KATNAL2: variants seen among roughly 807,000 people sequenced by gnomAD.
KATNAL2 encodes the protein katanin catalytic subunit A1 like 2, also known as katanin p60 ATPase-containing subunit A-like 2.
KATNAL2 carries 52 observed loss-of-function variants against 76.3 expected under a neutral mutation model. The ratio of observed to expected loss-of-function variants is 0.68; its 90% confidence interval spans 0.55 to 0.86. KATNAL2 has a LOEUF of 0.86. KATNAL2 is among the 40% of genes least tolerant of loss of function. The pLI, the probability that KATNAL2 is intolerant of heterozygous loss-of-function variation, is 0.00. For synonymous variants in KATNAL2, 243 were observed against 244.2 expected (o/e 1.00, Z 0.05); for missense variants, 660 against 668.9 (o/e 0.99, Z 0.15).
At position 47,064,032 on chromosome 18, in the gene KATNAL2, G is replaced by A. The variant is rs530294771; in HGVS notation, c.726+671G>A. Among the ~76,000 whole-genome samples the A allele has an allele frequency of 2.0e-5, 3 of 152,224 alleles. No homozygotes were observed. In the East Asian group the frequency reaches 5.8e-4, roughly 29 times the overall value. On this transcript the variant is annotated intron_variant, in intron 10 of 17. Transcript: ENST00000683218. ...TGAAACCTAGGCAGGCTCAGAGGGG[G>A]GTTTAAAATGATCCCCAAAATTCAC... is the stretch of plus-strand genomic sequence containing the variant.
At chr18:46,962,056 G>A (rs1027109263) in intron 3 of KATNAL2, among the ~76,000 whole-genome samples, 4 of 152,188 alleles carry the variant, frequency 2.6e-5, no homozygotes, top group Non-Finnish European at 5.9e-5. Flanking sequence ...AATATAATAT[G>A]AGGAAATGCA....
rs779780143 is a variant in KATNAL2 at position 47,099,274 on chromosome 18, G to T, written c.1243G>T (p.Glu415Ter). The T allele has an allele frequency of 7.4e-6, 12 of 1,614,104 alleles. No individual in the cohort carries two copies. The East Asian group carries it at 2.2e-4, about 30-fold the overall frequency. Residue 415 changes from glutamate to a stop codon, truncating the protein, a stop_gained, in exon 16 of 18, where the codon GAG becomes TAG. Transcript: ENST00000683218. LOFTEE classifies it high-confidence loss of function. ...GGACTGTGCCATGTTACGCCGCCTG[G>T]AGAAGAGGATTCTGGTCGATCTCCC... Reference protein sequence around the residue: ...ELDCAMLRRLEKRILVDLPSR... With the variant: ...ELDCAMLRRL
chr18:47,032,947 T>G (rs575247924), intron 3 of KATNAL2: 148 of 1,612,540 alleles, frequency 9.2e-5, no homozygotes, highest in Non-Finnish European at 1.1e-4. Context: ...CAACCCGCAT[T>G]GACTTTGCCA....
intron 15 of KATNAL2, among the ~76,000 whole-genome samples, chr18:47,086,544 T>G (rs1277847208): frequency 2.6e-5 from 4 of 152,212 alleles, no homozygotes; most frequent in African/African-American, 4.8e-5. Context: ...CTTGAACTCC[T>G]CACCTCATGA....
intron 15 of KATNAL2, among the ~76,000 whole-genome samples, chr18:47,094,811 G>A (rs2063157497): frequency 6.6e-6 from 1 of 152,200 alleles, no homozygotes; most frequent in African/African-American, 2.4e-5. Context: ...TTTCAACTGA[G>A]CCTGGTGTTT....
intron 15 of KATNAL2, chr18:47,098,221 C>CAA (rs35678878): frequency 0.013 from 3,925 of 306,976 alleles, 12 homozygotes; most frequent in Non-Finnish European, 0.015. Flanking sequence ...GACTCCGTCT[C>CAA]AAAAAAAAAA....
chr18:47,069,601 G>T lies in KATNAL2; in HGVS notation c.1008+1G>T. On this transcript the variant is annotated splice_donor_variant, in intron 13 of 17. Coordinates refer to ENST00000683218, the MANE Select transcript of KATNAL2 (RefSeq NM_001387690.1). LOFTEE classifies it high-confidence loss of function. ...AGGGGATTCAGAAAAACTCGTTCGG[G>T]TAGGAATTCTTAATTTTGTTTTTAA... 6.3e-7 allele frequency: 1 copy of T among 1,593,092 alleles called. No individual in the cohort carries two copies. Among genetic ancestry groups the T allele is most frequent in the Non-Finnish European group, 8.6e-7 (1 of 1,162,694 alleles).
chr18:47,084,299 G>T (rs61316646), intron 15 of KATNAL2: 1 of 702,206 alleles, frequency 1.4e-6, no homozygotes. Context: ...TGATTGGAGG[G>T]ATAAGCAGAT....
chr18:47,098,794 C>T (rs1361615950), intron 15 of KATNAL2: 3 of 162,168 alleles, frequency 1.8e-5, no homozygotes. Flanking sequence ...AATTAATGTA[C>T]TTAGAGTGCC....
At chr18:47,076,797 T>TTA (rs35925389) in intron 14 of KATNAL2, among the ~76,000 whole-genome samples, 5,327 of 145,338 alleles carry the variant, frequency 0.037, 208 homozygotes, top group East Asian at 0.21. Flanking sequence ...AATAAATAAA[T>TTA]TATATATATA....
chr18:47,059,439 G>T, intron 7 of KATNAL2, 117 bp from the exon 8 acceptor site: 1 of 724,442 alleles, frequency 1.4e-6, no homozygotes, highest in Non-Finnish European at 2.5e-6. Flanking sequence ...ACATGTGCAT[G>T]TCGCGTTCAC....
At position 47,031,303 on chromosome 18, in the gene KATNAL2, G is replaced by A. The variant is rs556811081; in HGVS notation, c.52-15154G>A. Among the ~76,000 whole-genome samples the A allele has an allele frequency of 9.8e-4, 149 of 151,474 alleles. No homozygotes were observed. The South Asian group carries it at 0.01, about 11-fold the overall frequency. On this transcript the variant is annotated intron_variant, in intron 3 of 17. Transcript: ENST00000683218. ...GAGTTCCACTCTTACCTTTCAGTCC[G>A]AATGAGGAAAACAGATCCATTTGAA...
At chr18:47,090,810 T>C (rs1253836992) in intron 15 of KATNAL2, among the ~76,000 whole-genome samples, 1 of 152,102 alleles carries the variant, frequency 6.6e-6, no homozygotes, top group Non-Finnish European at 1.5e-5. Context: ...GCAGACCAGT[T>C]TGGCCCAAGT....
chr18:47,083,130 G>C (rs1462238268), intron 15 of KATNAL2, among the ~76,000 whole-genome samples: 3 of 152,150 alleles, frequency 2.0e-5, no homozygotes, highest in Non-Finnish European at 2.9e-5. Context: ...CTAAAGTTCT[G>C]GTTGTTTCCT....
intron 3 of KATNAL2, among the ~76,000 whole-genome samples, chr18:46,956,266 C>T (rs549919059): frequency 9.9e-5 from 15 of 152,268 alleles, no homozygotes; most frequent in African/African-American, 2.6e-4. Context: ...ATACGATAAA[C>T]GCAATTTAGT....
chr18:47,080,315 A>C (rs748073234), intron 15 of KATNAL2, among the ~76,000 whole-genome samples: 1 of 152,144 alleles, frequency 6.6e-6, no homozygotes, highest in Non-Finnish European at 1.5e-5. Context: ...AATTTTATTG[A>C]GATATAACTC....
At chr18:46,943,041 T>C (rs1539878) in intron 1 of KATNAL2, among the ~76,000 whole-genome samples, 80,463 of 151,758 alleles carry the variant, frequency 0.53, 21,601 homozygotes, top group Middle Eastern at 0.58. Flanking sequence ...AGTACTCTGA[T>C]TACTCCAACT....
At chr18:46,928,888 A>C (rs56298133) in intron 1 of KATNAL2, among the ~76,000 whole-genome samples, 11,609 of 151,766 alleles carry the variant, frequency 0.076, 474 homozygotes, top group African/African-American at 0.098. Context: ...CTCCACCTCC[A>C]GAGTTCAAGC....
chr18:47,040,718 C>T (rs2060933432), intron 3 of KATNAL2, among the ~76,000 whole-genome samples: 1 of 152,136 alleles, frequency 6.6e-6, no homozygotes, highest in Admixed American at 6.5e-5. Context: ...AGGATCACTT[C>T]AGCCCGGGTG....
Sources: gnomAD v4.1 joint callset for allele counts (sites outside exome capture counted in the v4.1 genomes callset) on GRCh38, gnomAD v4.1.1 for gene constraint, MANE v1.5 for transcripts, NCBI Gene and HGNC (gene_info 2026-07-23, HGNC 2026-07-21) for gene names.